Variants in SYT17 observed in about 807,000 individuals in gnomAD.
SYT17 encodes synaptotagmin-17.
A neutral mutation model predicts 46.7 loss-of-function variants in SYT17; 22 were observed. The ratio of observed to expected loss-of-function variants is 0.47; its 90% CI spans 0.34 to 0.67. The LOEUF is 0.67. Among genes scored for constraint, SYT17 ranks in the 30% least tolerant of loss-of-function variants. The pLI is 0.01. For missense variants in SYT17, 519 were observed against 612.8 expected, an observed-to-expected ratio of 0.85 and a Z score of 1.62; for synonymous variants, 251 against 248.4, an observed-to-expected ratio of 1.01 and a Z score of -0.10.
intron 7 of SYT17, among the ~76,000 whole-genome samples, chr16:19,253,321 C>T (rs12447791): frequency 0.12 from 17,627 of 151,936 alleles, 2,200 homozygotes; most frequent in East Asian, 0.36. Flanking sequence ...TTTGGGAGGC[C>T]GAGGTGGGAG....
intron 5 of SYT17, among the ~76,000 whole-genome samples, chr16:19,220,242 C>T (rs1367727154): frequency 6.6e-6 from 1 of 151,122 alleles, no homozygotes; most frequent in South Asian, 2.1e-4. Context: ...GAGCACTGCA[C>T]TGCTCTGTGG....
intron 7 of SYT17, among the ~76,000 whole-genome samples, chr16:19,243,236 A>C (rs1967268767): frequency 6.6e-6 from 1 of 152,186 alleles, no homozygotes; most frequent in Non-Finnish European, 1.5e-5. Flanking sequence ...AGATGCCTAC[A>C]CTGGCCACAG....
intron 7 of SYT17, among the ~76,000 whole-genome samples, chr16:19,236,670 A>G (rs1966852846): frequency 6.6e-6 from 1 of 152,230 alleles, no homozygotes; most frequent in Non-Finnish European, 1.5e-5. Flanking sequence ...CGCATAGGGC[A>G]GAGTCCAGGA....
intron 7 of SYT17, among the ~76,000 whole-genome samples, chr16:19,265,339 C>A (rs536995966): frequency 1.3e-5 from 2 of 152,334 alleles, no homozygotes; most frequent in South Asian, 4.1e-4. Flanking sequence ...ATACATGGTC[C>A]AATTTTTCTC....
rs1964619779 is a variant in SYT17 at position 19,183,023 on chromosome 16, A to G, written c.332-505A>G. Among the ~76,000 whole-genome samples, 1 of 152,208 alleles carries G rather than the reference A, an allele frequency of 6.6e-6. No individual in the cohort carries two copies. The highest frequency in any genetic ancestry group is 2.4e-5 in the African/African-American group (1 of 41,448). On this transcript the variant is annotated intron_variant, in intron 4 of 7. Coordinates refer to ENST00000355377, the MANE Select transcript of SYT17 (RefSeq NM_016524.4). The surrounding 1 kb of genome is among the most constrained non-coding windows in gnomAD (Gnocchi z 5.6). ...GCTCACTGGTAATGAGTACACGAGT[A>G]GTGAGTAAGTGGCTGAGATGGAATT... is the stretch of plus-strand genomic sequence containing the variant.
At chr16:19,233,371 G>A (rs1966774189) in intron 7 of SYT17, among the ~76,000 whole-genome samples, 1 of 152,082 alleles carries the variant, frequency 6.6e-6, no homozygotes, top group Non-Finnish European at 1.5e-5. Context: ...GGGGTTGGGG[G>A]CCAGGCACAG....
chr16:19,220,287 A>ATTTC lies in SYT17; in HGVS notation c.952-2742_952-2739dup, dbSNP rs201365039. ...GGGTTAAAGAAAATTATTCAATGACATTTCTTTCTTTCTTTCTTTTTTTTT... is the reference window on the plus strand; with the variant it reads ...GGGTTAAAGAAAATTATTCAATGACATTTCTTTCTTTCTTTCTTTCTTTTTTTTT... On this transcript the variant is annotated intron_variant, in intron 5 of 7. Coordinates refer to ENST00000355377, the MANE Select transcript of SYT17 (RefSeq NM_016524.4). Among the ~76,000 whole-genome samples the ATTTC allele has an allele frequency of 8.2e-3, 935 of 113,586 alleles. 120 individuals carry two copies. The highest frequency in any genetic ancestry group is 0.019 in the Middle Eastern group (4 of 206). The allele number at this position is 113,586 out of a possible 152,430, so 74.5% of individuals were successfully genotyped here.
chr16:19,238,076 G>A (rs1179060792), intron 7 of SYT17, among the ~76,000 whole-genome samples: 2 of 152,212 alleles, frequency 1.3e-5, no homozygotes, highest in Admixed American at 6.5e-5. Context: ...AAAGACCACT[G>A]TGTTAATGGC....
At chr16:19,233,202 C>T (rs889455448) in intron 7 of SYT17, among the ~76,000 whole-genome samples, 1 of 152,178 alleles carries the variant, frequency 6.6e-6, no homozygotes, top group Non-Finnish European at 1.5e-5. Context: ...GCTTGGCTTT[C>T]TGCAGCTGTA....
At chr16:19,199,398 ATTC>A (rs1434132189) in intron 5 of SYT17, among the ~76,000 whole-genome samples, 21 of 152,228 alleles carry the variant, frequency 1.4e-4, no homozygotes, top group African/African-American at 4.6e-4. Context: ...TGAGCTCAAT[ATTC>A]TTATTACCTG....
At position 19,168,452 on chromosome 16, in the gene SYT17, A is replaced by C. The variant is rs1384709119; in HGVS notation, c.-195A>C. 1.4e-6 allele frequency: 1 copy of C among 689,858 alleles called. No individual in the cohort carries two copies. Among genetic ancestry groups the C allele is most frequent in the Non-Finnish European group, 2.3e-6 (1 of 428,074 alleles). 42.7% of individuals were successfully genotyped at this position (689,858 alleles called of 1,614,324 possible). On this transcript the variant is annotated 5_prime_UTR_variant, in exon 1 of 8. Transcript: ENST00000355377. The surrounding 1 kb of genome is among the most constrained non-coding windows in gnomAD (Gnocchi z 6.9). Reference sequence around the variant, plus strand: ...GGCGGCCCCGATTCCGAGAGCCGGAACGCAGGGAAAGGCAAGGACGGGGCG... The same window carrying C: ...GGCGGCCCCGATTCCGAGAGCCGGACCGCAGGGAAAGGCAAGGACGGGGCG...
chr16:19,190,094 C>T (rs1350285563), intron 5 of SYT17, among the ~76,000 whole-genome samples: 1 of 152,216 alleles, frequency 6.6e-6, no homozygotes, highest in Admixed American at 6.5e-5. Context: ...TGAAATTACA[C>T]TGGCTATTTA....
intron 7 of SYT17, among the ~76,000 whole-genome samples, chr16:19,252,926 T>C (rs943832966): frequency 6.6e-6 from 1 of 152,102 alleles, no homozygotes; most frequent in Non-Finnish European, 1.5e-5. Context: ...CAGAGATTTG[T>C]TAAAACAGAC....
chr16:19,237,526 G>A lies in SYT17; in HGVS notation c.1228+12688G>A, dbSNP rs192727516. Among the ~76,000 whole-genome samples the A allele has an allele frequency of 3.9e-4, 59 of 152,222 alleles. 1 individual carries two copies. The highest frequency in any genetic ancestry group is 6.8e-3 in the Middle Eastern group (2 of 294). On this transcript the variant is annotated intron_variant, in intron 7 of 7. Coordinates refer to ENST00000355377, the MANE Select transcript of SYT17 (RefSeq NM_016524.4). ...CCGTCCCTTTCCACGGCAATGACCC[G>A]ACAACCCAAAAGTTACCACTCTTTT...
At chr16:19,195,400 CT>C (rs35709095) in intron 5 of SYT17, among the ~76,000 whole-genome samples, 27,516 of 139,694 alleles carry the variant, frequency 0.2, 2,755 homozygotes, top group African/African-American at 0.3. Context: ...CAAAACAAAC[CT>C]TTTTTTTTTT....
intron 5 of SYT17, among the ~76,000 whole-genome samples, chr16:19,197,400 A>G (rs1159307127): frequency 1.3e-5 from 2 of 151,940 alleles, no homozygotes; most frequent in East Asian, 3.9e-4. Context: ...GCCTCTAAAG[A>G]AAGAGGACAG....
intron 3 of SYT17, among the ~76,000 whole-genome samples, chr16:19,174,557 G>GGCC (rs1964238627): frequency 6.6e-6 from 1 of 152,126 alleles, no homozygotes; most frequent in Non-Finnish European, 1.5e-5. Flanking sequence ...TCATGCCTCA[G>GGCC]GCCTCTCATT....
chr16:19,178,653 G>A (rs1567198463), intron 3 of SYT17, among the ~76,000 whole-genome samples: 1 of 152,122 alleles, frequency 6.6e-6, no homozygotes, highest in African/African-American at 2.4e-5. Context: ...TGCGTCTGAA[G>A]ACCTCACAGC....
intron 7 of SYT17, among the ~76,000 whole-genome samples, chr16:19,248,291 C>A (rs551119295): frequency 1.2e-3 from 179 of 152,298 alleles, no homozygotes; most frequent in African/African-American, 4.1e-3. Flanking sequence ...GATGCTACAG[C>A]CACTTTGGAA....
Sources: allele counts gnomAD v4.1 joint callset (sites outside exome capture counted in the v4.1 genomes callset), GRCh38; gene constraint gnomAD v4.1.1; non-coding constraint Gnocchi (gnomAD v3.1); transcripts MANE v1.5; gene names NCBI Gene and HGNC (gene_info 2026-07-23, HGNC 2026-07-21).